ACTL7B: variants seen among roughly 807,000 people sequenced by gnomAD.
ACTL7B encodes the protein actin-like protein 7B.
In ACTL7B, 14 loss-of-function variants were observed where a neutral mutation model predicts 17.5. That is an observed-to-expected ratio of 0.80 (90% confidence interval 0.53 to 1.25). ACTL7B has a LOEUF of 1.25. ACTL7B is among the 50% of genes most tolerant of loss of function. The pLI is 0.00. For synonymous variants in ACTL7B, 267 were observed against 252.4 expected, an observed-to-expected ratio of 1.06 and a Z score of -0.55; for missense variants, 599 against 573.9, an observed-to-expected ratio of 1.04 and a Z score of -0.45.
rs774195611 is a variant in ACTL7B, at chr9:108,854,815, G to C, written c.1116C>G (p.Ala372=). The stretch of plus-strand genomic sequence containing the variant: ...ACACGGAGGTCTTCCTCTCAGGAGC[G>C]GCAGCCACTGCAGGGCTGTCCCCGG... ...LCPGDSPAVA[A]APERKTSVWT... Residue 372 remains alanine, a synonymous_variant, in exon 1 of 1, where the codon GCC becomes GCG. Coordinates refer to ENST00000374667, the MANE Select transcript of ACTL7B (RefSeq NM_006686.4). 3 of 1,603,498 alleles carry C rather than the reference G, an allele frequency of 1.9e-6. No individual in the cohort carries two copies. The highest frequency in any genetic ancestry group is 2.7e-5 in the African/African-American group (2 of 74,666).
Position 108,854,877 on chromosome 9 carries a change from G to A in ACTL7B, c.1054C>T (p.Pro352Ser). 6.5e-7 allele frequency: 1 copy of A among 1,534,848 alleles called. No individual in the cohort carries two copies. The highest frequency in any genetic ancestry group is 8.8e-7 in the Non-Finnish European group (1 of 1,140,982). ...CTCAGCTCCCTCTGGAAGCGCTCGGGGAAGCCATCCAGCATAGTGCAGCCG... is the reference window on the plus strand; with the variant it reads ...CTCAGCTCCCTCTGGAAGCGCTCGGAGAAGCCATCCAGCATAGTGCAGCCG... ...CGGCTMLDGF[P>S]ERFQRELSLL... The change falls in exon 1 of 1, where the codon CCC (proline) becomes TCC (serine). Residue 352 changes from proline to serine, a missense_variant. Transcript: ENST00000374667.
At position 108,855,504 on chromosome 9, in the gene ACTL7B, C is replaced by T; in HGVS notation, c.427G>A (p.Glu143Lys). The T allele has an allele frequency of 4.3e-6, 7 of 1,613,540 alleles. No individual in the cohort carries two copies. Among genetic ancestry groups the T allele is most frequent in the Non-Finnish European group, 5.9e-6 (7 of 1,180,036 alleles). ...TCGGAGACCAGCACAGCGTGCTCCT[C>T]GGGGAGGATCTTCATGGCGGTGCGG... ...IFRTAMKILP[E>K]EHAVLVSDPP... Residue 143 changes from glutamate to lysine, a missense_variant, in exon 1 of 1, where the codon GAG becomes AAG. Coordinates refer to ENST00000374667, the MANE Select transcript of ACTL7B (RefSeq NM_006686.4).
chr9:108,854,888 A>T lies in ACTL7B; in HGVS notation c.1043T>A (p.Leu348Gln). The T allele has an allele frequency of 6.6e-7, 1 of 1,523,282 alleles. No individual in the cohort carries two copies. Among genetic ancestry groups the T allele is most frequent in the Non-Finnish European group, 8.8e-7 (1 of 1,135,358 alleles). The allele number at this position is 1,523,282 out of a possible 1,614,324, so 94.4% of individuals were successfully genotyped here. The change falls in exon 1 of 1, where the codon CTG becomes CAG. Residue 348 changes from leucine to glutamine, a missense_variant. Physicochemically the swap from Leu to Gln is moderately radical, Grantham distance 113. Coordinates refer to ENST00000374667, the MANE Select transcript of ACTL7B (RefSeq NM_006686.4). Reference sequence around the variant, plus strand: ...CTGGAAGCGCTCGGGGAAGCCATCCAGCATAGTGCAGCCGCCACACAGTAG... The same window carrying T: ...CTGGAAGCGCTCGGGGAAGCCATCCTGCATAGTGCAGCCGCCACACAGTAG... The part of the protein sequence containing the change: ...NVLLCGGCTM[L>Q]DGFPERFQRE...
At position 108,855,214 on chromosome 9, in the gene ACTL7B, C is replaced by A. The variant is rs754824857; in HGVS notation, c.717G>T (p.Glu239Asp). The A allele has an allele frequency of 6.3e-7, 1 of 1,597,390 alleles. No homozygotes were observed. Among genetic ancestry groups the A allele is most frequent in the Non-Finnish European group, 8.5e-7 (1 of 1,175,996 alleles). ...GGTCGTCCGTGAATGCGTGGCCCGC[C>A]TCATTGAGCAGCTGCATCAGGTAGT... ...LTNYLMQLLN[E>D]AGHAFTDDHL... Residue 239 changes from glutamate (E) to aspartate (D), a missense_variant, in exon 1 of 1, where the codon GAG (glutamate) becomes GAT (aspartate). Coordinates refer to ENST00000374667, the MANE Select transcript of ACTL7B (RefSeq NM_006686.4).
At position 108,854,655 on chromosome 9, in the gene ACTL7B, GAGGCCT is replaced by G; in HGVS notation, c.*22_*27del. 2 of 1,479,388 alleles carry G rather than the reference GAGGCCT, an allele frequency of 1.4e-6. No individual in the cohort carries two copies. Among genetic ancestry groups the G allele is most frequent in the Non-Finnish European group, 1.8e-6 (2 of 1,112,724 alleles). The allele number at this position is 1,479,388 out of a possible 1,614,324, so 91.6% of individuals were successfully genotyped here. A position where few individuals can be genotyped will look rare whatever the true frequency, so the allele number is the denominator to read the frequency against. On this transcript the variant is annotated 3_prime_UTR_variant, in exon 1 of 1. Coordinates refer to ENST00000374667, the MANE Select transcript of ACTL7B (RefSeq NM_006686.4). ...GAGAGGCCTGTGGCCATCTGTGCTG[GAGGCCT>G]TGTCTGTGGAAATGCCGAGGCTCAG...
Position 108,855,235 on chromosome 9 carries a change from G to A in ACTL7B, c.696C>T (p.Tyr232=), listed in dbSNP as rs1390432918. 1.3e-6 allele frequency: 2 copies of A among 1,595,272 alleles called. No homozygotes were observed. The highest frequency in any genetic ancestry group is 1.1e-5 in the South Asian group (1 of 90,498). Residue 232 remains tyrosine (Y), a synonymous_variant, in exon 1 of 1, where the codon TAC becomes TAT. Coordinates refer to ENST00000374667, the MANE Select transcript of ACTL7B (RefSeq NM_006686.4). ...CCGCCTCATTGAGCAGCTGCATCAG[G>A]TAGTTGGTGAGGTCACCCCCAGCGT... ...ADYAGGDLTN[Y]LMQLLNEAGH...
Position 108,855,760 on chromosome 9 carries a change from G to C in ACTL7B, c.171C>G (p.Gly57=), listed in dbSNP as rs1218466856. The C allele has an allele frequency of 1.2e-6, 2 of 1,609,316 alleles. No homozygotes were observed. Among genetic ancestry groups the C allele is most frequent in the African/African-American group, 1.3e-5 (1 of 74,952 alleles). ...HKIKAVIIDL[G]SQYCKCGYAG... ...CGTAGCCGCACTTGCAGTACTGGGA[G>C]CCCAGGTCGATGATGACCGCCTTGA... is the stretch of plus-strand genomic sequence containing the variant. Residue 57 remains glycine, a synonymous_variant, in exon 1 of 1, where the codon GGC becomes GGG. Coordinates refer to ENST00000374667, the MANE Select transcript of ACTL7B (RefSeq NM_006686.4).
In ACTL7B at chr9:108,855,093, C is replaced by T; in HGVS notation, c.838G>A (p.Asp280Asn). Residue 280 changes from aspartate (D) to asparagine (N), a missense_variant, in exon 1 of 1, where the codon GAC becomes AAC. Physicochemically the swap from Asp to Asn is conservative, Grantham distance 23. Coordinates refer to ENST00000374667, the MANE Select transcript of ACTL7B (RefSeq NM_006686.4). ...AGTTTGCCGTCCGGGAGCTCGTAGT[C>T]CACGCGCAGCTCCTCCGGGACCAGG... Reference protein sequence around the residue: ...LGLVPEELRVDYELPDGKLIT... With the variant: ...LGLVPEELRVNYELPDGKLIT... 2.5e-6 allele frequency: 4 copies of T among 1,592,272 alleles called. No individual in the cohort carries two copies. The highest frequency in any genetic ancestry group is 3.4e-6 in the Non-Finnish European group (4 of 1,170,334).
In ACTL7B at chr9:108,855,590, G is replaced by A. The variant is rs764432169; in HGVS notation, c.341C>T (p.Pro114Leu). The A allele has an allele frequency of 1.2e-6, 2 of 1,613,806 alleles. No homozygotes were observed. The highest frequency in any genetic ancestry group is 1.7e-6 in the Non-Finnish European group (2 of 1,180,044). The change falls in exon 1 of 1, where the codon CCG (proline) becomes CTG (leucine). Residue 114 changes from proline (P) to leucine (L), a missense_variant. Physicochemically the swap from Pro to Leu is moderately conservative, Grantham distance 98 (BLOSUM62 -3). Transcript: ENST00000374667. ...NTEAPLKLVN[P>L]LKHGIVVDWD... ...GTCCACCACGATGCCGTGCTTCAGC[G>A]GGTTCACCAGCTTGAGAGGCGCCTC...
In ACTL7B at chr9:108,855,850, G is replaced by A. The variant is rs200537988; in HGVS notation, c.81C>T (p.Asp27=). The change falls in exon 1 of 1, where the codon GAC becomes GAT. Residue 27 remains aspartate (D), a synonymous_variant. Coordinates refer to ENST00000374667, the MANE Select transcript of ACTL7B (RefSeq NM_006686.4). ...PGEAGTRPGP[D]ASLRDTGAAT... is the part of the protein sequence containing the mutation. ...CCGCACCTGTGTCCCGGAGGCTGGC[G>A]TCAGGGCCGGGCCGTGTTCCTGCCT... is the stretch of plus-strand genomic sequence containing the variant. 107 of 1,611,278 alleles carry A rather than the reference G, an allele frequency of 6.6e-5. No homozygotes were observed. In the East Asian group the frequency reaches 1.5e-3, roughly 23 times the overall value.
chr9:108,855,824 G>A lies in ACTL7B; in HGVS notation c.107C>T (p.Ala36Val), dbSNP rs1259000718. The change falls in exon 1 of 1, where the codon GCC (alanine) becomes GTC (valine). Residue 36 changes from alanine (A) to valine (V), a missense_variant. Physicochemically the swap from Ala to Val is moderately conservative, Grantham distance 64. Coordinates refer to ENST00000374667, the MANE Select transcript of ACTL7B (RefSeq NM_006686.4). ...PDASLRDTGA[A>V]TQLKMKPRKV... ...CCTGGGCTTCATCTTGAGCTGAGTG[G>A]CCGCACCTGTGTCCCGGAGGCTGGC... is the stretch of plus-strand genomic sequence containing the variant. The A allele has an allele frequency of 2.5e-6, 4 of 1,611,326 alleles. No individual in the cohort carries two copies. The South Asian group carries it at 4.4e-5, about 18-fold the overall frequency.
Position 108,855,550 on chromosome 9 carries a change from C to G in ACTL7B, c.381G>C (p.Gln127His). The change falls in exon 1 of 1, where the codon CAG becomes CAC. Residue 127 changes from glutamine (Q) to histidine (H), a missense_variant. Gln to His is a conservative substitution (Grantham distance 24). Transcript: ENST00000374667. ...HGIVVDWDCV[Q>H]DIWEYIFRTA... ...TGCGGAAGATGTACTCCCAGATGTC[C>G]TGCACGCAGTCCCAGTCCACCACGA... 2.5e-6 allele frequency: 4 copies of G among 1,613,748 alleles called. No individual in the cohort carries two copies. The highest frequency in any genetic ancestry group is 3.4e-6 in the Non-Finnish European group (4 of 1,180,046).
chr9:108,854,897 C>T lies in ACTL7B; in HGVS notation c.1034G>A (p.Cys345Tyr). 1 of 1,521,018 alleles carries T rather than the reference C, an allele frequency of 6.6e-7. No individual in the cohort carries two copies. Among genetic ancestry groups the T allele is most frequent in the South Asian group, 1.3e-5 (1 of 76,292 alleles). 94.2% of individuals were successfully genotyped at this position (1,521,018 alleles called of 1,614,324 possible). A position where few individuals can be genotyped will look rare whatever the true frequency, so the allele number is the denominator to read the frequency against. ...MAANVLLCGG[C>Y]TMLDGFPERF... ...CTCGGGGAAGCCATCCAGCATAGTG[C>T]AGCCGCCACACAGTAGCACGTTGGC... The change falls in exon 1 of 1, where the codon TGC becomes TAC. Residue 345 changes from cysteine (C) to tyrosine (Y), a missense_variant. Physicochemically the swap from Cys to Tyr is radical, Grantham distance 194. Coordinates refer to ENST00000374667, the MANE Select transcript of ACTL7B (RefSeq NM_006686.4).
At position 108,855,393 on chromosome 9, in the gene ACTL7B, A is replaced by G; in HGVS notation, c.538T>C (p.Ser180Pro). The G allele has an allele frequency of 6.2e-7, 1 of 1,613,214 alleles. No individual in the cohort carries two copies. The highest frequency in any genetic ancestry group is 1.7e-5 in the Admixed American group (1 of 60,032). The change falls in exon 1 of 1, where the codon TCC becomes CCC. Residue 180 changes from serine (S) to proline (P), a missense_variant. By Grantham distance (74) the Ser-to-Pro change is moderately conservative. Transcript: ENST00000374667. ...TFGIPAMHVT[S>P]QSLLSIYSYG... Reference sequence around the variant, plus strand: ...GAGTAGATGGACAGCAACGACTGGGACGTCACGTGCATGGCTGGGATGCCG... The same window carrying G: ...GAGTAGATGGACAGCAACGACTGGGGCGTCACGTGCATGGCTGGGATGCCG...
Position 108,855,169 on chromosome 9 carries a change from G to GTGCT in ACTL7B, c.758_761dup (p.His254GlnfsTer48), listed in dbSNP as rs1237532733. The GTGCT allele has an allele frequency of 6.2e-7, 1 of 1,609,328 alleles. No homozygotes were observed. Among genetic ancestry groups the GTGCT allele is most frequent in the Non-Finnish European group, 8.5e-7 (1 of 1,179,368 alleles). On this transcript the variant is annotated frameshift_variant, in exon 1 of 1. Coordinates refer to ENST00000374667, the MANE Select transcript of ACTL7B (RefSeq NM_006686.4). LOFTEE classifies it high-confidence loss of function. ...CCGCATAGCAGCACTTCTTCTTGAT[G>GTGCT]TGCTCTATGATGTGCAGGTGGTCGT...
In ACTL7B at chr9:108,854,838, CG is replaced by C. The variant is rs768043823; in HGVS notation, c.1092del (p.Asp366ThrfsTer?). 1.3e-6 allele frequency: 2 copies of C among 1,589,854 alleles called. No homozygotes were observed. On this transcript the variant is annotated frameshift_variant, in exon 1 of 1. Transcript: ENST00000374667. LOFTEE classifies it high-confidence loss of function. ...RFQRELSLLC[P>X]GDSPAVAAAP... is the part of the protein sequence containing the mutation. ...GCGGCAGCCACTGCAGGGCTGTCCC[CG>C]GGGCAGAGGAGGCTCAGCTCCCTCT...
rs761103185 is a variant in ACTL7B, at chr9:108,855,160, C to G, written c.771G>C (p.Lys257Asn). Residue 257 changes from lysine (K) to asparagine (N), a missense_variant, in exon 1 of 1, where the codon AAG becomes AAC. Transcript: ENST00000374667. ...DHLHIIEHIK[K>N]KCCYAAFLPE... is the part of the protein sequence containing the mutation. ...GCAGGAAGGCCGCATAGCAGCACTT[C>G]TTCTTGATGTGCTCTATGATGTGCA... 2 of 1,610,414 alleles carry G rather than the reference C, an allele frequency of 1.2e-6. No homozygotes were observed. The highest frequency in any genetic ancestry group is 2.2e-5 in the East Asian group (1 of 44,874).
Position 108,855,372 on chromosome 9 carries a change from A to G in ACTL7B, c.559T>C (p.Tyr187His), listed in dbSNP as rs751746695. The stretch of plus-strand genomic sequence containing the variant: ...AGCCCCGAGGTCTTGCCGTAGGAGT[A>G]GATGGACAGCAACGACTGGGACGTC... The part of the protein sequence containing the change: ...HVTSQSLLSI[Y>H]SYGKTSGLVV... Residue 187 changes from tyrosine to histidine, a missense_variant, in exon 1 of 1, where the codon TAC (tyrosine) becomes CAC (histidine). Transcript: ENST00000374667. The G allele has an allele frequency of 1.9e-6, 3 of 1,612,696 alleles. No homozygotes were observed. Among genetic ancestry groups the G allele is most frequent in the Non-Finnish European group, 2.5e-6 (3 of 1,180,014 alleles).
rs1445853644 is a variant in ACTL7B, at chr9:108,855,353, G to A, written c.578C>T (p.Ser193Leu). 1.9e-6 allele frequency: 3 copies of A among 1,611,018 alleles called. No homozygotes were observed. The highest frequency in any genetic ancestry group is 1.7e-5 in the Admixed American group (1 of 60,036). Reference protein sequence around the residue: ...LLSIYSYGKTSGLVVESGHGV... With the variant: ...LLSIYSYGKTLGLVVESGHGV... Reference sequence around the variant, plus strand: ...GTGCCCGCTCTCCACCACCAGCCCCGAGGTCTTGCCGTAGGAGTAGATGGA... The same window carrying A: ...GTGCCCGCTCTCCACCACCAGCCCCAAGGTCTTGCCGTAGGAGTAGATGGA... Residue 193 changes from serine (S) to leucine (L), a missense_variant, in exon 1 of 1, where the codon TCG (serine) becomes TTG (leucine). By Grantham distance (145) the Ser-to-Leu change is moderately radical. Transcript: ENST00000374667.
Sources: gnomAD v4.1 joint callset for allele counts on GRCh38, gnomAD v4.1.1 for gene constraint, MANE v1.5 for transcripts, NCBI Gene and HGNC (gene_info 2026-07-23, HGNC 2026-07-21) for gene names.